Variants in ACAN observed in about 807,000 individuals in gnomAD.
ACAN encodes aggrecan core protein.
In ACAN, 47 loss-of-function variants were observed where a neutral mutation model predicts 169.1. The observed-to-expected ratio is 0.28, with a 90% confidence interval of 0.22 to 0.35. ACAN has a LOEUF of 0.35. ACAN is among the 10% of genes least tolerant of loss of function. The probability of loss-of-function intolerance (pLI) is 1.00; values close to 1 mark genes in which losing one functional copy is unlikely to be tolerated. For synonymous variants in ACAN, 1,115 were observed against 1,112.2 expected (o/e 1.00, Z -0.05); for missense variants, 2,716 against 2,759.9 (o/e 0.98, Z 0.36).
chr15:88,806,850 G>A (rs1011848530), intron 1 of ACAN, among the ~76,000 whole-genome samples: 3 of 152,004 alleles, frequency 2.0e-5, no homozygotes, highest in African/African-American at 7.3e-5. Flanking sequence ...ATTTAGCGGG[G>A]TTCTTAATAA....
At position 88,851,877 on chromosome 15, in the gene ACAN, C is replaced by G; in HGVS notation, c.2110C>G (p.Gln704Glu). The change falls in exon 11 of 19, where the codon CAA (glutamine) becomes GAA (glutamate). Residue 704 changes from glutamine (Q) to glutamate (E), a missense_variant. This residue lies in a region of ACAN where 1,283 missense variants were observed against 1,281.5 expected (regional missense o/e 1.00). Transcript: ENST00000560601. The surrounding 1 kb of genome is among the most constrained non-coding windows in gnomAD (Gnocchi z 4.3). Reference sequence around the variant, plus strand: ...TGGTGTGGAGGAGTGGATCGTGACCCAAGTGGTTCCTGGTGTGGCTGCTGT... The same window carrying G: ...TGGTGTGGAGGAGTGGATCGTGACCGAAGTGGTTCCTGGTGTGGCTGCTGT... ...PSGVEEWIVT[Q>E]VVPGVAAVPV... The G allele has an allele frequency of 6.2e-7, 1 of 1,612,514 alleles. No individual in the cohort carries two copies. The highest frequency in any genetic ancestry group is 8.5e-7 in the Non-Finnish European group (1 of 1,179,354).
chr15:88,837,660 A>G (rs1442658169), intron 2 of ACAN, among the ~76,000 whole-genome samples: 1 of 152,164 alleles, frequency 6.6e-6, no homozygotes, highest in African/African-American at 2.4e-5. Context: ...AGCCATGTCC[A>G]GGGTGCGAGG....
intron 13 of ACAN, among the ~76,000 whole-genome samples, chr15:88,863,022 C>T (rs1465317819): frequency 1.5e-5 from 2 of 136,602 alleles, no homozygotes; most frequent in South Asian, 4.7e-4. Context: ...AAAAAAGAAA[C>T]AAGACCATGG....
Position 88,857,260 on chromosome 15 carries a change from G to T in ACAN, c.4675G>T (p.Ala1559Ser), listed in dbSNP as rs1330890307. Residue 1559 changes from alanine (A) to serine (S), a missense_variant, in exon 12 of 19, where the codon GCT (alanine) becomes TCT (serine). Transcript: ENST00000560601. ...PSGGEGLETS[A>S]SEVGTDLSGL... ...TGGAGGAGAAGGTCTAGAGACCTCT[G>T]CTTCTGAAGTAGGGACTGACCTCAG... The T allele has an allele frequency of 6.2e-7, 1 of 1,613,738 alleles. No homozygotes were observed. Among genetic ancestry groups the T allele is most frequent in the Non-Finnish European group, 8.5e-7 (1 of 1,179,836 alleles).
At chr15:88,824,948 A>G (rs1489799109) in intron 1 of ACAN, among the ~76,000 whole-genome samples, 1 of 151,980 alleles carries the variant, frequency 6.6e-6, no homozygotes, top group Non-Finnish European at 1.5e-5. Context: ...AGGGAGGGAT[A>G]GGGGAGCAGG....
chr15:88,806,896 A>G lies in ACAN; in HGVS notation c.-8+3087A>G, dbSNP rs537740709. Among the ~76,000 whole-genome samples, 153 of 152,324 alleles carry G rather than the reference A, an allele frequency of 1.0e-3. 1 individual carries two copies. The highest frequency in any genetic ancestry group is 4.8e-3 in the Admixed American group (74 of 15,304). Reference sequence around the variant, plus strand: ...ACCAGATAATCTCATAGTGCCTCCTATGTAGCAAAGGTAAGTACTGTTTCT... The same window carrying G: ...ACCAGATAATCTCATAGTGCCTCCTGTGTAGCAAAGGTAAGTACTGTTTCT... On this transcript the variant is annotated intron_variant, in intron 1 of 18. Coordinates refer to ENST00000560601, the MANE Select transcript of ACAN (RefSeq NM_001369268.1).
rs62023522 is a variant in ACAN at position 88,873,677 on chromosome 15, G to A, written c.7448-165G>A. The A allele has an allele frequency of 0.015, 10,013 of 678,984 alleles. 105 individuals carry two copies. Among genetic ancestry groups the A allele is most frequent in the Non-Finnish European group, 0.021 (8,684 of 407,666 alleles). 42.1% of individuals were successfully genotyped at this position (678,984 alleles called of 1,614,324 possible). A position where few individuals can be genotyped will look rare whatever the true frequency, so the allele number is the denominator to read the frequency against. ...CTGTTCTAAATTGTTGAGGAACCCA[G>A]ATGTTACAGCCAGCGGCTTCCAGAT... On this transcript the variant is annotated intron_variant, in intron 17 of 18. Transcript: ENST00000560601. This position sits in a 1 kb window ranked among gnomAD's most constrained non-coding sequence, Gnocchi z 7.5.
chr15:88,835,819 T>C (rs768104507), intron 1 of ACAN, among the ~76,000 whole-genome samples: 15 of 152,174 alleles, frequency 9.9e-5, no homozygotes, highest in Non-Finnish European at 1.6e-4. Context: ...CCAATTCCAA[T>C]GTCAATCTCA....
In ACAN at chr15:88,868,542, G is replaced by T. The variant is rs1392130761; in HGVS notation, c.7060+213G>T. 3.3e-5 allele frequency among the ~76,000 whole-genome samples: 5 copies of T among 152,166 alleles called. No individual in the cohort carries two copies. Among genetic ancestry groups the T allele is most frequent in the African/African-American group, 1.2e-4 (5 of 41,444 alleles). On this transcript the variant is annotated intron_variant, in intron 14 of 18. Transcript: ENST00000560601. This position sits in a 1 kb window ranked among gnomAD's most constrained non-coding sequence, Gnocchi z 5.2. ...CTTGAAAACCCTTTTCTGGAGCACT[G>T]GCTGATCTGACTTTCTCCAGGGCTT... is the stretch of plus-strand genomic sequence containing the variant.
At chr15:88,812,598 G>A (rs907414255) in intron 1 of ACAN, among the ~76,000 whole-genome samples, 1 of 152,044 alleles carries the variant, frequency 6.6e-6, no homozygotes, top group Non-Finnish European at 1.5e-5. Context: ...CCCCTGCCCA[G>A]GTGCTCTTCC....
chr15:88,853,919 A>T (rs1596143252), intron 11 of ACAN, among the ~76,000 whole-genome samples: 2 of 151,894 alleles, frequency 1.3e-5, no homozygotes, highest in Non-Finnish European at 2.9e-5. Context: ...CCTCTCAGCA[A>T]GAACAAACTA....
chr15:88,857,858 T>C lies in ACAN; in HGVS notation c.5273T>C (p.Leu1758Pro). The C allele has an allele frequency of 3.1e-6, 5 of 1,613,818 alleles. No homozygotes were observed. Among genetic ancestry groups the C allele is most frequent in the Non-Finnish European group, 4.2e-6 (5 of 1,179,828 alleles). Residue 1758 changes from leucine to proline, a missense_variant, in exon 12 of 19, where the codon CTG (leucine) becomes CCG (proline). Leu to Pro is a moderately conservative substitution (Grantham distance 98, BLOSUM62 -3). This residue lies in a region of ACAN where 1,389 missense variants were observed against 1,363.7 expected (regional missense o/e 1.02). Transcript: ENST00000560601. ...ETSGVTELSG[L>P]SSGQPGISGE... is the part of the protein sequence containing the mutation. ...TCTGGAGTGACTGAGCTTAGCGGGC[T>C]GTCCTCTGGACAACCAGGTATTAGT...
In ACAN at chr15:88,868,499, C is replaced by T. The variant is rs1040115527; in HGVS notation, c.7060+170C>T. Among the ~76,000 whole-genome samples the T allele has an allele frequency of 6.6e-6, 1 of 152,206 alleles. No homozygotes were observed. Among genetic ancestry groups the T allele is most frequent in the Non-Finnish European group, 1.5e-5 (1 of 68,040 alleles). ...AAATTCTGCCCCACTGATTCCCACT[C>T]TTTTTCTTGCTCTCCTCCTTGAAAA... On this transcript the variant is annotated intron_variant, in intron 14 of 18. Transcript: ENST00000560601. This position sits in a 1 kb window ranked among gnomAD's most constrained non-coding sequence, Gnocchi z 5.2.
chr15:88,804,162 CAA>C (rs1895616391), intron 1 of ACAN, among the ~76,000 whole-genome samples: 1 of 152,184 alleles, frequency 6.6e-6, no homozygotes, highest in Admixed American at 6.5e-5. Flanking sequence ...GCTTCAGAGT[CAA>C]GGGAATGTGG....
chr15:88,828,320 A>G (rs1896276357), intron 1 of ACAN, among the ~76,000 whole-genome samples: 1 of 152,188 alleles, frequency 6.6e-6, no homozygotes, highest in Non-Finnish European at 1.5e-5. Flanking sequence ...CCCATGCCAC[A>G]TCGGCAGTCA....
chr15:88,821,874 C>T (rs1018851454), intron 1 of ACAN, among the ~76,000 whole-genome samples: 5 of 152,140 alleles, frequency 3.3e-5, no homozygotes, highest in Admixed American at 1.3e-4. Context: ...CTCACAGTTA[C>T]GGTTTATTAC....
At chr15:88,812,918 C>G (rs1027368933) in intron 1 of ACAN, among the ~76,000 whole-genome samples, 1 of 152,154 alleles carries the variant, frequency 6.6e-6, no homozygotes, top group African/African-American at 2.4e-5. Flanking sequence ...TCCCTTGGTT[C>G]TCCAAGATGG....
At chr15:88,825,680 T>C (rs1366359347) in intron 1 of ACAN, among the ~76,000 whole-genome samples, 1 of 152,162 alleles carries the variant, frequency 6.6e-6, no homozygotes, top group Non-Finnish European at 1.5e-5. Context: ...AGCAGGGACA[T>C]AGATCAGTGA....
intron 1 of ACAN, among the ~76,000 whole-genome samples, chr15:88,819,299 G>C (rs780261781): frequency 1.4e-4 from 21 of 152,168 alleles, no homozygotes; most frequent in Non-Finnish European, 2.1e-4. Flanking sequence ...AGGTCTTTGA[G>C]GGGCTTAGGG....
Sources: gnomAD v4.1 joint callset for allele counts (sites outside exome capture counted in the v4.1 genomes callset) on GRCh38, gnomAD v4.1.1 for gene constraint, gnomAD v4.1.1 regional missense constraint, Gnocchi (gnomAD v3.1) non-coding constraint, MANE v1.5 for transcripts, NCBI Gene and HGNC (gene_info 2026-07-23, HGNC 2026-07-21) for gene names.